The following PTK2B variants were observed in gnomAD, a reference collection of about 807,000 sequenced individuals.
PTK2B encodes protein-tyrosine kinase 2-beta.
In PTK2B, 71 loss-of-function variants were observed where a neutral mutation model predicts 142.9. That is an observed-to-expected ratio of 0.50 (90% confidence interval 0.41 to 0.61). PTK2B has a LOEUF of 0.61. Ranked by LOEUF, PTK2B falls within the 20% of genes least tolerant of loss-of-function variation. The pLI, the probability that PTK2B is intolerant of heterozygous loss-of-function variation, is 0.00. For missense variants in PTK2B, 1,105 were observed against 1,320.4 expected, an observed-to-expected ratio of 0.84 and a Z score of 2.53; for synonymous variants, 519 against 503.4, an observed-to-expected ratio of 1.03 and a Z score of -0.42.
chr8:27,447,114 T>C (rs1811519043), intron 24 of PTK2B, among the ~76,000 whole-genome samples: 1 of 152,210 alleles, frequency 6.6e-6, no homozygotes, highest in Non-Finnish European at 1.5e-5. Flanking sequence ...TTTTGCACAT[T>C]TGAGGGGTAG....
chr8:27,397,351 G>A lies in PTK2B; in HGVS notation c.-37-197G>A, dbSNP rs1177115975. On this transcript the variant is annotated intron_variant, in intron 1 of 30. Coordinates refer to ENST00000346049, the MANE Select transcript of PTK2B (RefSeq NM_173176.3). ...CCAAGTCTGGGTTTCATACCTGGAT[G>A]CTTCTGCAACTTGCCCCTTTCTGCT... The A allele has an allele frequency of 1.4e-5, 8 of 553,428 alleles. No homozygotes were observed. The East Asian group carries it at 2.1e-4, about 15-fold the overall frequency. 34.3% of individuals were successfully genotyped at this position (553,428 alleles called of 1,614,324 possible). A position where few individuals can be genotyped will look rare whatever the true frequency, so the allele number is the denominator to read the frequency against.
At chr8:27,362,900 G>A (rs908332614) in intron 1 of PTK2B, among the ~76,000 whole-genome samples, 5 of 152,142 alleles carry the variant, frequency 3.3e-5, no homozygotes, top group Admixed American at 2.6e-4. Flanking sequence ...ATCTTGAACC[G>A]CTGGGTGGAA....
At chr8:27,448,606 ATACT>A in intron 24 of PTK2B, among the ~76,000 whole-genome samples, 1 of 48,958 alleles carries the variant, frequency 2.0e-5, no homozygotes, top group Middle Eastern at 8.5e-3. Flanking sequence ...AAACTTACAA[ATACT>A]TACAAATACT....
rs115558459 is a variant in PTK2B, at chr8:27,375,665, G to A, written c.-37-21883G>A. On this transcript the variant is annotated intron_variant, in intron 1 of 30. Coordinates refer to ENST00000346049, the MANE Select transcript of PTK2B (RefSeq NM_173176.3). The stretch of plus-strand genomic sequence containing the variant: ...TGAAGGGCTGAGAACCAGACCCCAC[G>A]TCTCCTGCCTCCGGGGGCCGTGTTC... Among the ~76,000 whole-genome samples, 903 of 152,234 alleles carry A rather than the reference G, an allele frequency of 5.9e-3. 12 individuals carry two copies. The highest frequency in any genetic ancestry group is 0.021 in the African/African-American group (871 of 41,544).
At chr8:27,319,695 TCA>T (rs1279731247) in intron 3 of PTK2B, among the ~76,000 whole-genome samples, 1 of 148,994 alleles carries the variant, frequency 6.7e-6, no homozygotes, top group East Asian at 2.0e-4. Flanking sequence ...CCATTAATGG[TCA>T]GTTATGAGCT....
At chr8:27,310,832 TGC>T, upstream of PTK2B, 2 of 1,606,636 alleles carry the variant, frequency 1.2e-6, no homozygotes, top group Non-Finnish European at 1.7e-6. Context: ...CTTCACCGGC[TGC>T]ACGCGGTGCC....
At position 27,433,475 on chromosome 8, in the gene PTK2B, A is replaced by G. The variant is rs1175759871; in HGVS notation, c.1028A>G (p.Asn343Ser). The part of the protein sequence containing the change: ...IKTSSLAEAE[N>S]MADLIDGYCR... ...ACCTCATCCCTAGCAGAGGCTGAGA[A>G]CATGGCTGACCTCATAGACGGCTAC... Residue 343 changes from asparagine (N) to serine (S), a missense_variant, in exon 11 of 31, where the codon AAC (asparagine) becomes AGC (serine). Physicochemically the swap from Asn to Ser is conservative, Grantham distance 46. Coordinates refer to ENST00000346049, the MANE Select transcript of PTK2B (RefSeq NM_173176.3). 1.9e-6 allele frequency: 3 copies of G among 1,614,226 alleles called. No homozygotes were observed. The highest frequency in any genetic ancestry group is 2.5e-6 in the Non-Finnish European group (3 of 1,180,024).
chr8:27,344,592 A>G (rs1272253351), intron 1 of PTK2B, among the ~76,000 whole-genome samples: 1 of 152,226 alleles, frequency 6.6e-6, no homozygotes, highest in Non-Finnish European at 1.5e-5. Flanking sequence ...TATTACTAGA[A>G]GACAGAAATA....
chr8:27,313,844 C>T (rs1803036060), intron 3 of PTK2B, among the ~76,000 whole-genome samples: 1 of 152,220 alleles, frequency 6.6e-6, no homozygotes, highest in African/African-American at 2.4e-5. Flanking sequence ...CTGGCACCTG[C>T]TTTAATATCA....
At chr8:27,425,371 C>G (rs1463766447) in intron 5 of PTK2B, among the ~76,000 whole-genome samples, 1 of 152,002 alleles carries the variant, frequency 6.6e-6, no homozygotes, top group Non-Finnish European at 1.5e-5. Flanking sequence ...CGACAGGGAC[C>G]AAAGTATTCA....
intron 1 of PTK2B, among the ~76,000 whole-genome samples, chr8:27,340,969 G>T (rs558364335): frequency 6.6e-6 from 1 of 152,372 alleles, no homozygotes; most frequent in South Asian, 2.1e-4. Flanking sequence ...CCAGCTGTCA[G>T]CAAGAGGTGC....
intron 2 of PTK2B, among the ~76,000 whole-genome samples, chr8:27,401,713 A>C (rs2059969): frequency 0.38 from 57,770 of 152,132 alleles, 11,577 homozygotes; most frequent in Middle Eastern, 0.5. Flanking sequence ...ATAATTTAAA[A>C]CTATGAGTGA....
At chr8:27,386,939 C>A (rs961976456) in intron 1 of PTK2B, among the ~76,000 whole-genome samples, 11 of 151,090 alleles carry the variant, frequency 7.3e-5, no homozygotes, top group African/African-American at 2.7e-4. Context: ...ATAAAATATA[C>A]CTTAATCAAG....
intron 5 of PTK2B, among the ~76,000 whole-genome samples, chr8:27,426,923 T>TA (rs895035555): frequency 1.3e-5 from 2 of 152,250 alleles, no homozygotes; most frequent in Non-Finnish European, 2.9e-5. Flanking sequence ...AACCCTGTTT[T>TA]AAAAAATTTA....
intron 3 of PTK2B, among the ~76,000 whole-genome samples, chr8:27,316,546 G>A (rs1313454920): frequency 6.6e-6 from 1 of 152,210 alleles, no homozygotes; most frequent in East Asian, 1.9e-4. Context: ...TTGGGATAAG[G>A]ACAACAGTTG....
intron 1 of PTK2B, among the ~76,000 whole-genome samples, chr8:27,332,593 T>C (rs1803824074): frequency 6.6e-6 from 1 of 152,028 alleles, no homozygotes; most frequent in Admixed American, 6.5e-5. Flanking sequence ...TTTTTTTATC[T>C]CATTTCGAGA....
chr8:27,316,415 A>G (rs994296869), intron 3 of PTK2B, among the ~76,000 whole-genome samples: 3 of 152,234 alleles, frequency 2.0e-5, no homozygotes, highest in Admixed American at 6.5e-5. Context: ...CTTAACTTTA[A>G]ATGTAAGCAT....
chr8:27,410,027 CT>C (rs1341619784), intron 2 of PTK2B, among the ~76,000 whole-genome samples: 7 of 152,146 alleles, frequency 4.6e-5, no homozygotes, highest in Admixed American at 4.6e-4. Flanking sequence ...TGGCCTAAGA[CT>C]TTTTTTCAAC....
intron 2 of PTK2B, among the ~76,000 whole-genome samples, chr8:27,411,029 G>A (rs1809025714): frequency 6.6e-6 from 1 of 152,272 alleles, no homozygotes; most frequent in South Asian, 2.1e-4. Flanking sequence ...TCTTCCTGTA[G>A]CAAAAAACAG....
Sources: allele counts gnomAD v4.1 joint callset (sites outside exome capture counted in the v4.1 genomes callset), GRCh38; gene constraint gnomAD v4.1.1; transcripts MANE v1.5; gene names NCBI Gene and HGNC (gene_info 2026-07-23, HGNC 2026-07-21).